The following NPAS3 variants were observed in gnomAD, a reference collection of about 807,000 sequenced individuals.
NPAS3 encodes neuronal PAS domain-containing protein 3.
A neutral mutation model predicts 73.1 loss-of-function variants in NPAS3; 14 were observed. That is an observed-to-expected ratio of 0.19 (90% CI 0.13 to 0.30). The LOEUF (loss-of-function observed/expected upper bound fraction) is 0.30, where lower values mean the gene tolerates loss of function less well. Ranked by LOEUF, NPAS3 falls within the 10% of genes least tolerant of loss-of-function variation. The pLI, the probability that NPAS3 is intolerant of heterozygous loss-of-function variation, is 1.00. For missense variants in NPAS3, 1,096 were observed against 1,250.0 expected, an observed-to-expected ratio of 0.88 and a Z score of 1.86; for synonymous variants, 620 against 541.5, an observed-to-expected ratio of 1.14 and a Z score of -2.01.
intron 2 of NPAS3, among the ~76,000 whole-genome samples, chr14:33,207,155 ATTC>A (rs1594393631): frequency 6.6e-6 from 1 of 152,126 alleles, no homozygotes; most frequent in East Asian, 1.9e-4. Context: ...TGCAACCCAG[ATTC>A]TTGTAACTTC....
intron 4 of NPAS3, among the ~76,000 whole-genome samples, chr14:33,432,473 A>ATGGTTTGTAAAACCATTGGC (rs2048823830): frequency 6.6e-6 from 1 of 152,170 alleles, no homozygotes; most frequent in Non-Finnish European, 1.5e-5. Context: ...CTCTAGGAAA[A>ATGGTTTGTAAAACCATTGGC]TGGTTTGTAA....
At chr14:33,531,715 C>T (rs1290001176) in intron 4 of NPAS3, among the ~76,000 whole-genome samples, 1 of 151,958 alleles carries the variant, frequency 6.6e-6, no homozygotes, top group Non-Finnish European at 1.5e-5. Context: ...TTCTGCATTA[C>T]GTGGTGTGTG....
chr14:33,794,381 A>G (rs1181375316), intron 10 of NPAS3, among the ~76,000 whole-genome samples: 1 of 152,202 alleles, frequency 6.6e-6, no homozygotes, highest in African/African-American at 2.4e-5. Context: ...TTCAAAAAGC[A>G]TCTCCTCTTC....
chr14:33,457,724 C>T (rs1464114178), intron 4 of NPAS3, among the ~76,000 whole-genome samples: 2 of 152,258 alleles, frequency 1.3e-5, no homozygotes, highest in East Asian at 3.9e-4. Context: ...TTCCAAATCC[C>T]TCGCTGTAGC....
At chr14:33,135,485 TAGTTTA>T (rs1377390437) in intron 2 of NPAS3, among the ~76,000 whole-genome samples, 2 of 152,204 alleles carry the variant, frequency 1.3e-5, no homozygotes, top group African/African-American at 2.4e-5. Flanking sequence ...TACCATAAAA[TAGTTTA>T]AGTTTATTAA....
Position 33,403,812 on chromosome 14 carries a change from T to TTCTC in NPAS3, c.468+36562_468+36565dup, listed in dbSNP as rs375753954. 2.7e-5 allele frequency among the ~76,000 whole-genome samples: 4 copies of TTCTC among 149,520 alleles called. No individual in the cohort carries two copies. In the South Asian group the frequency reaches 6.4e-4, roughly 24 times the overall value. On this transcript the variant is annotated intron_variant, in intron 4 of 11. Coordinates refer to ENST00000356141, the Ensembl canonical transcript of NPAS3. ...ATCCATGTGGTCAGTCTGATGCCCTTTCTCTCTCTCTCTCTCTCTCTTTTA... is the reference window on the plus strand; with the variant it reads ...ATCCATGTGGTCAGTCTGATGCCCTTTCTCTCTCTCTCTCTCTCTCTCTCTTTTA...
At chr14:33,104,858 C>T (rs183626342) in intron 2 of NPAS3, among the ~76,000 whole-genome samples, 1 of 152,178 alleles carries the variant, frequency 6.6e-6, no homozygotes, top group East Asian at 1.9e-4. Flanking sequence ...AAATATGGTG[C>T]CCATTTTCAT....
intron 5 of NPAS3, among the ~76,000 whole-genome samples, chr14:33,651,197 TCTTC>T (rs1297028732): frequency 6.6e-6 from 1 of 152,194 alleles, no homozygotes; most frequent in East Asian, 1.9e-4. Flanking sequence ...TGCAGTGCCA[TCTTC>T]CTTTCTCCCG....
In NPAS3 at chr14:33,233,308, G is replaced by A. The variant is rs112616095; in HGVS notation, c.385+17882G>A. Reference sequence around the variant, plus strand: ...AAATAAATGAATGGCCTTTAGCATAGCTATAGACATAGCAAACTAAGTGGA... The same window carrying A: ...AAATAAATGAATGGCCTTTAGCATAACTATAGACATAGCAAACTAAGTGGA... On this transcript the variant is annotated intron_variant, in intron 3 of 11. Transcript: ENST00000356141. Among the ~76,000 whole-genome samples, 583 of 152,214 alleles carry A rather than the reference G, an allele frequency of 3.8e-3. 5 individuals carry two copies. The highest frequency in any genetic ancestry group is 5.9e-3 in the Non-Finnish European group (404 of 68,012).
chr14:32,970,399 T>C (rs990637450), intron 1 of NPAS3, among the ~76,000 whole-genome samples: 3 of 152,180 alleles, frequency 2.0e-5, no homozygotes, highest in Admixed American at 1.3e-4. Flanking sequence ...TCCATGGTTT[T>C]CTCTTACCTT....
At chr14:33,521,569 T>C (rs1404718824) in intron 4 of NPAS3, among the ~76,000 whole-genome samples, 6 of 150,300 alleles carry the variant, frequency 4.0e-5, no homozygotes, top group Non-Finnish European at 8.9e-5. Context: ...AAAATGTGAC[T>C]CTCTGTTTAT....
intron 7 of NPAS3, among the ~76,000 whole-genome samples, chr14:33,773,006 G>A (rs940119725): frequency 2.6e-5 from 4 of 152,174 alleles, no homozygotes; most frequent in Admixed American, 1.3e-4. Flanking sequence ...AACTCTGAAG[G>A]GCAGCCCTGT....
intron 6 of NPAS3, among the ~76,000 whole-genome samples, chr14:33,701,437 G>A (rs368651783): frequency 6.6e-6 from 1 of 152,210 alleles, no homozygotes; most frequent in Non-Finnish European, 1.5e-5. Flanking sequence ...GCGTATGGAT[G>A]TGAGTCATTG....
chr14:32,981,066 A>T (rs140027198), intron 1 of NPAS3, among the ~76,000 whole-genome samples: 1 of 152,122 alleles, frequency 6.6e-6, no homozygotes, highest in East Asian at 1.9e-4. Context: ...GCCTGCAGCC[A>T]TTTATTATCC....
chr14:33,037,304 T>A (rs1401133097), intron 1 of NPAS3, among the ~76,000 whole-genome samples: 1 of 152,088 alleles, frequency 6.6e-6, no homozygotes, highest in African/African-American at 2.4e-5. Flanking sequence ...TCGAAATTAT[T>A]ATACTAGCCA....
intron 3 of NPAS3, among the ~76,000 whole-genome samples, chr14:33,332,278 T>G (rs892422816): frequency 3.5e-4 from 54 of 152,322 alleles, no homozygotes; most frequent in African/African-American, 1.3e-3. Context: ...TGCCGGCATC[T>G]CTCCATAATG....
At chr14:33,769,248 A>C (rs733314) in intron 7 of NPAS3, among the ~76,000 whole-genome samples, 25,226 of 152,194 alleles carry the variant, frequency 0.17, 2,500 homozygotes, top group Admixed American at 0.24. Context: ...TTCCAGAACT[A>C]TACCTTCAAC....
At chr14:33,051,473 C>G (rs1405726307) in intron 1 of NPAS3, among the ~76,000 whole-genome samples, 2 of 152,142 alleles carry the variant, frequency 1.3e-5, no homozygotes, top group Non-Finnish European at 2.9e-5. Flanking sequence ...GAACACACCA[C>G]AGACCCTGTT....
At chr14:33,438,126 A>G (rs2049071180) in intron 4 of NPAS3, among the ~76,000 whole-genome samples, 1 of 152,210 alleles carries the variant, frequency 6.6e-6, no homozygotes, top group Non-Finnish European at 1.5e-5. Context: ...TAAAAAAACA[A>G]CTGATAATGT....
Sources: allele counts gnomAD v4.1 joint callset (sites outside exome capture counted in the v4.1 genomes callset), GRCh38; gene constraint gnomAD v4.1.1; transcripts MANE v1.5; gene names NCBI Gene and HGNC (gene_info 2026-07-23, HGNC 2026-07-21).